The following NT5C3A variants were observed in gnomAD, a reference collection of about 807,000 sequenced individuals.
The protein encoded by NT5C3A is 5'-nucleotidase, cytosolic IIIA, also known as cytosolic 5'-nucleotidase 3A.
In NT5C3A, 23 loss-of-function variants were observed where a neutral mutation model predicts 40.0. That is an observed-to-expected ratio of 0.58 (90% CI 0.41 to 0.81). The LOEUF is 0.81. Ranked by LOEUF, NT5C3A falls within the 40% of genes least tolerant of loss-of-function variation. NT5C3A has a pLI of 0.00. For missense variants in NT5C3A, 328 were observed against 403.0 expected (o/e 0.81, Z 1.59); for synonymous variants, 130 against 141.4 (o/e 0.92, Z 0.57).
intron 1 of NT5C3A, among the ~76,000 whole-genome samples, chr7:33,028,253 C>T (rs2392210): frequency 0.84 from 127,818 of 152,272 alleles, 54,151 homozygotes; most frequent in African/African-American, 0.96. Context: ...CTGGGCAACA[C>T]AGCAAGACCC....
At chr7:33,018,001 G>A (rs1223335600) in intron 6 of NT5C3A, among the ~76,000 whole-genome samples, 1 of 152,134 alleles carries the variant, frequency 6.6e-6, no homozygotes, top group Non-Finnish European at 1.5e-5. Context: ...GCAACATAGC[G>A]AGACCCTGTC....
chr7:33,061,825 TA>T (rs1226542097), intron 1 of NT5C3A, among the ~76,000 whole-genome samples: 2 of 152,180 alleles, frequency 1.3e-5, no homozygotes, highest in Non-Finnish European at 1.5e-5. Flanking sequence ...GGGTTCTAAT[TA>T]AAATACAAAA....
chr7:33,058,618 T>C (rs1787660247), intron 1 of NT5C3A, among the ~76,000 whole-genome samples: 1 of 152,240 alleles, frequency 6.6e-6, no homozygotes, highest in Non-Finnish European at 1.5e-5. Context: ...CCCAAAGTGC[T>C]GGGATTACAG....
intron 1 of NT5C3A, among the ~76,000 whole-genome samples, chr7:33,053,842 G>C (rs1361403755): frequency 6.6e-6 from 1 of 152,078 alleles, no homozygotes; most frequent in East Asian, 1.9e-4. Context: ...AACTGTTTCA[G>C]GAAGGAGCTG....
intron 1 of NT5C3A, among the ~76,000 whole-genome samples, chr7:33,046,970 CTT>C (rs35818020): frequency 6.6e-5 from 9 of 136,964 alleles, no homozygotes; most frequent in Admixed American, 1.5e-4. Context: ...CACCTGGCTT[CTT>C]TTTTTTTTTT....
intron 1 of NT5C3A, among the ~76,000 whole-genome samples, chr7:33,029,934 G>A (rs949623710): frequency 4.6e-5 from 7 of 152,150 alleles, no homozygotes; most frequent in African/African-American, 1.4e-4. Context: ...GGTGGCTCCT[G>A]TGCAACATAC....
chr7:33,046,563 A>C (rs943867245), intron 1 of NT5C3A, among the ~76,000 whole-genome samples: 5 of 152,132 alleles, frequency 3.3e-5, no homozygotes, highest in African/African-American at 1.2e-4. Context: ...ATCTAGATCA[A>C]GTAATTTAAT....
chr7:33,041,053 C>T, intron 1 of NT5C3A: 1 of 985,410 alleles, frequency 1.0e-6, no homozygotes, highest in Non-Finnish European at 1.2e-6. Flanking sequence ...GCCTCGCTAG[C>T]TCTGAGCTAG....
At chr7:33,053,699 A>G (rs1787461525) in intron 1 of NT5C3A, among the ~76,000 whole-genome samples, 1 of 152,108 alleles carries the variant, frequency 6.6e-6, no homozygotes, top group Non-Finnish European at 1.5e-5. Context: ...AAAGAAAGAA[A>G]GAAGTAATGG....
At chr7:33,055,254 G>A (rs904583027) in intron 1 of NT5C3A, among the ~76,000 whole-genome samples, 4 of 152,012 alleles carry the variant, frequency 2.6e-5, no homozygotes, top group Admixed American at 2.6e-4. Context: ...GAACCTGGGA[G>A]GCAGAGGTTG....
At chr7:33,047,291 G>A (rs1228542582) in intron 1 of NT5C3A, among the ~76,000 whole-genome samples, 1 of 152,066 alleles carries the variant, frequency 6.6e-6, no homozygotes, top group Admixed American at 6.5e-5. Flanking sequence ...ACTATATCGA[G>A]TACATCTAAA....
At chr7:33,049,052 C>T (rs950960373) in intron 1 of NT5C3A, among the ~76,000 whole-genome samples, 2 of 152,128 alleles carry the variant, frequency 1.3e-5, no homozygotes, top group Non-Finnish European at 2.9e-5. Context: ...CTGTTTACAA[C>T]TTTATGTATA....
chr7:33,020,362 C>T (rs187827417), intron 5 of NT5C3A, among the ~76,000 whole-genome samples: 2 of 152,298 alleles, frequency 1.3e-5, no homozygotes, highest in East Asian at 3.9e-4. Context: ...CCTAAGTCAC[C>T]TTCTTCCCTG....
At position 33,062,687 on chromosome 7, in the gene NT5C3A, C is replaced by A. The variant is rs1405113772; in HGVS notation, c.19G>T (p.Ala7Ser). ...GCGCTCGCTACCGCGCCCACCCTCGCCACGGCCGCGCGGTCCATGGACGGG... is the reference window on the plus strand; with the variant it reads ...GCGCTCGCTACCGCGCCCACCCTCGACACGGCCGCGCGGTCCATGGACGGG... MDRAAV[A>S]RVGAVASASV... The change falls in exon 1 of 9, where the codon GCG (alanine) becomes TCG (serine). Residue 7 changes from alanine to serine, a missense_variant. Physicochemically the swap from Ala to Ser is moderately conservative, Grantham distance 99 (BLOSUM62 1). Transcript: ENST00000610140. The A allele has an allele frequency of 6.4e-7, 1 of 1,570,822 alleles. No homozygotes were observed. The highest frequency in any genetic ancestry group is 8.6e-7 in the Non-Finnish European group (1 of 1,158,986).
Position 33,062,716 on chromosome 7 carries a change from C to G in NT5C3A, c.-11G>C. ...GGCCGCGCGGTCCATGGACGGGGCC[C>G]TCATGCGCGTCCAAGCAGGAAAAAA... On this transcript the variant is annotated 5_prime_UTR_variant, in exon 1 of 9. Transcript: ENST00000610140. The G allele has an allele frequency of 6.4e-7, 1 of 1,556,964 alleles. No homozygotes were observed. Among genetic ancestry groups the G allele is most frequent in the Non-Finnish European group, 8.7e-7 (1 of 1,150,872 alleles).
chr7:33,056,479 A>C, intron 1 of NT5C3A, among the ~76,000 whole-genome samples: 1 of 26,798 alleles, frequency 3.7e-5, no homozygotes, highest in Admixed American at 4.7e-4. Context: ...CTACCAAAAA[A>C]AAAAAAAAAA....
At chr7:33,024,667 T>C (rs1785818176) in intron 2 of NT5C3A, among the ~76,000 whole-genome samples, 1 of 152,188 alleles carries the variant, frequency 6.6e-6, no homozygotes, top group African/African-American at 2.4e-5. Context: ...CAGTATTTTA[T>C]TGTATATTTC....
chr7:33,062,771 G>C lies in NT5C3A; in HGVS notation c.-66C>G. Reference sequence around the variant, plus strand: ...GCAGCTCGCGTAGACTGCGAGTCTCGGAAGCGCGGGATCCCAGAGCATCAC... The same window carrying C: ...GCAGCTCGCGTAGACTGCGAGTCTCCGAAGCGCGGGATCCCAGAGCATCAC... On this transcript the variant is annotated 5_prime_UTR_variant, in exon 1 of 9. Transcript: ENST00000610140. 1 of 1,546,772 alleles carries C rather than the reference G, an allele frequency of 6.5e-7. No individual in the cohort carries two copies. Among genetic ancestry groups the C allele is most frequent in the Non-Finnish European group, 8.7e-7 (1 of 1,146,184 alleles).
chr7:33,032,317 G>A (rs1365275476), intron 1 of NT5C3A, among the ~76,000 whole-genome samples: 1 of 151,178 alleles, frequency 6.6e-6, no homozygotes, highest in Non-Finnish European at 1.5e-5. Flanking sequence ...TGTTACTTGG[G>A]AGGCTGAGGC....
Sources: gnomAD v4.1 joint callset for allele counts (sites outside exome capture counted in the v4.1 genomes callset) on GRCh38, gnomAD v4.1.1 for gene constraint, MANE v1.5 for transcripts, NCBI Gene and HGNC (gene_info 2026-07-23, HGNC 2026-07-21) for gene names.